The following SNX27 variants were observed in gnomAD, a reference collection of about 807,000 sequenced individuals.
SNX27 encodes sorting nexin-27.
Under a neutral mutation model 71.6 loss-of-function variants are expected in SNX27, and 22 were observed. That is an observed-to-expected ratio of 0.31 (90% CI 0.22 to 0.44). The LOEUF is 0.44. Ranked by LOEUF, SNX27 falls within the 20% of genes least tolerant of loss-of-function variation. The probability of loss-of-function intolerance (pLI) is 1.00; values close to 1 mark genes in which losing one functional copy is unlikely to be tolerated. For missense variants in SNX27, 531 were observed against 698.6 expected (o/e 0.76, Z 2.70); for synonymous variants, 269 against 277.2 (o/e 0.97, Z 0.29).
intron 11 of SNX27, 85 bp downstream of exon 11, chr1:151,693,568 C>T (rs768561034): frequency 6.2e-7 from 1 of 1,612,692 alleles, no homozygotes; most frequent in Non-Finnish European, 8.5e-7. Context: ...ACCTGGGACC[C>T]TCACCTCCAT....
At chr1:151,653,133 G>T (rs1180726278) in intron 2 of SNX27, among the ~76,000 whole-genome samples, 1 of 151,948 alleles carries the variant, frequency 6.6e-6, no homozygotes, top group Non-Finnish European at 1.5e-5. Flanking sequence ...CTCCATGTTG[G>T]TCAGGCTGGT....
chr1:151,640,992 A>G (rs1376213487), intron 2 of SNX27, among the ~76,000 whole-genome samples: 1 of 152,034 alleles, frequency 6.6e-6, no homozygotes, highest in Non-Finnish European at 1.5e-5. Context: ...TTCAGTTAGT[A>G]TAGTGCTTAA....
chr1:151,665,279 A>T (rs1466181015), intron 5 of SNX27, among the ~76,000 whole-genome samples: 1 of 152,190 alleles, frequency 6.6e-6, no homozygotes, highest in African/African-American at 2.4e-5. Flanking sequence ...CTGAGTTCCT[A>T]GAGAGAATGA....
rs372919946 is a variant in SNX27 at position 151,653,625 on chromosome 1, C to T, written c.544-4610C>T. 5.9e-5 allele frequency among the ~76,000 whole-genome samples: 9 copies of T among 152,064 alleles called. No homozygotes were observed. In the East Asian group the frequency reaches 7.7e-4, roughly 13 times the overall value. ...CCTTGACTTCCTGGCTTAAGCATTC[C>T]TCCTGCTTCAGCCTACCAAGTAGCT... On this transcript the variant is annotated intron_variant, in intron 2 of 11. Transcript: ENST00000458013.
intron 11 of SNX27, 44 bp from the exon 12 acceptor site, chr1:151,694,326 A>T: frequency 1.3e-6 from 2 of 1,548,384 alleles, no homozygotes; most frequent in Non-Finnish European, 1.7e-6. Flanking sequence ...TCCAGATAAG[A>T]GGAGATGTGC....
At chr1:151,642,518 G>A (rs1051622655) in intron 2 of SNX27, among the ~76,000 whole-genome samples, 7 of 152,092 alleles carry the variant, frequency 4.6e-5, no homozygotes, top group Non-Finnish European at 1.5e-5. Context: ...TAAATTTATG[G>A]ATAATGCTTT....
At chr1:151,660,246 T>G (rs1188693621) in intron 3 of SNX27, 2 of 151,904 alleles carry the variant, frequency 1.3e-5, no homozygotes. Context: ...CCCAGTTTTT[T>G]TTTTTTTTTT....
intron 2 of SNX27, among the ~76,000 whole-genome samples, chr1:151,651,406 G>A (rs1251047029): frequency 1.1e-4 from 17 of 151,744 alleles, no homozygotes; most frequent in African/African-American, 4.1e-4. Context: ...CCTCCCGGAC[G>A]GGGTGGCTGC....
intron 11 of SNX27, chr1:151,694,092 C>T (rs1671589862): frequency 1.6e-6 from 2 of 1,249,362 alleles, no homozygotes; most frequent in Non-Finnish European, 2.0e-6. Context: ...TGGGTTTTCT[C>T]CTGGCTTTTT....
At position 151,687,971 on chromosome 1, in the gene SNX27, CA is replaced by C. The variant is rs11437223; in HGVS notation, c.1240-4453del. Among the ~76,000 whole-genome samples the C allele has an allele frequency of 2.2e-3, 314 of 142,156 alleles. 2 individuals are homozygous for C. The highest frequency in any genetic ancestry group is 7.5e-3 in the African/African-American group (289 of 38,776). The allele number at this position is 142,156 out of a possible 152,430, so 93.3% of individuals were successfully genotyped here. A position where few individuals can be genotyped will look rare whatever the true frequency, so the allele number is the denominator to read the frequency against. ...AAAAAAAAAAAAAAACAACGAAAAA[CA>C]AAAAAAAAAACTGCCCTATGTCTGT... On this transcript the variant is annotated intron_variant, in intron 8 of 11. Transcript: ENST00000458013.
chr1:151,636,712 G>A (rs1039273309), intron 1 of SNX27, among the ~76,000 whole-genome samples: 5 of 148,100 alleles, frequency 3.4e-5, no homozygotes, highest in Admixed American at 6.7e-5. Context: ...AGTTAGCTAA[G>A]GTTCCTAGGG....
chr1:151,673,342 T>C (rs989272800), intron 7 of SNX27, among the ~76,000 whole-genome samples: 1 of 152,160 alleles, frequency 6.6e-6, no homozygotes, highest in African/African-American at 2.4e-5. Flanking sequence ...TATTATAATA[T>C]CACTATGGTC....
At chr1:151,677,039 TATATA>T (rs1258955320) in intron 7 of SNX27, 5 of 152,156 alleles carry the variant, frequency 3.3e-5, no homozygotes, top group Non-Finnish European at 5.9e-5. Flanking sequence ...TTATTGTTTC[TATATA>T]ATATATTTTA....
At chr1:151,616,914 C>T (rs1204401289) in intron 1 of SNX27, among the ~76,000 whole-genome samples, 1 of 152,058 alleles carries the variant, frequency 6.6e-6, no homozygotes, top group Non-Finnish European at 1.5e-5. Flanking sequence ...TTTTTTACTC[C>T]TTTGCCAGGT....
chr1:151,648,031 A>T (rs532583776), intron 2 of SNX27, among the ~76,000 whole-genome samples: 1 of 151,324 alleles, frequency 6.6e-6, no homozygotes, highest in Non-Finnish European at 1.5e-5. Context: ...CCTTTTAAAG[A>T]GTCGGGGTTT....
rs889498385 is a variant in SNX27, at chr1:151,696,802, A to G, written c.*2385A>G. ...GTAGCTGGGATTACAGGCATACACC[A>G]CCACGCCCCACTAATTTTTTGTATT... On this transcript the variant is annotated 3_prime_UTR_variant, in exon 12 of 12. Coordinates refer to ENST00000458013, the MANE Select transcript of SNX27 (RefSeq NM_001330723.2). The G allele has an allele frequency of 6.6e-6, 1 of 151,438 alleles. No individual in the cohort carries two copies. The highest frequency in any genetic ancestry group is 1.5e-5 in the Non-Finnish European group (1 of 67,892). 9.4% of individuals were successfully genotyped at this position (151,438 alleles called of 1,614,324 possible). A position where few individuals can be genotyped will look rare whatever the true frequency, so the allele number is the denominator to read the frequency against.
chr1:151,634,632 CGT>C (rs1453377226), intron 1 of SNX27, among the ~76,000 whole-genome samples: 2 of 152,066 alleles, frequency 1.3e-5, no homozygotes, highest in African/African-American at 2.4e-5. Context: ...AAAATTATCG[CGT>C]GTGTCTTTAC....
At position 151,694,596 on chromosome 1, in the gene SNX27, G is replaced by A; in HGVS notation, c.*179G>A. ...TGAATTTCATGTCTCTGGAATTGAG[G>A]TGGTAGTGAACAGCAGATCGGTCAG... On this transcript the variant is annotated 3_prime_UTR_variant, in exon 12 of 12. Coordinates refer to ENST00000458013, the MANE Select transcript of SNX27 (RefSeq NM_001330723.2). 1.6e-6 allele frequency: 1 copy of A among 615,478 alleles called. No homozygotes were observed. The highest frequency in any genetic ancestry group is 2.6e-6 in the Non-Finnish European group (1 of 382,698). The allele number at this position is 615,478 out of a possible 1,614,324, so 38.1% of individuals were successfully genotyped here. A position where few individuals can be genotyped will look rare whatever the true frequency, so the allele number is the denominator to read the frequency against.
Position 151,658,283 on chromosome 1 carries a change from C to T in SNX27, c.592C>T (p.Arg198Trp). The T allele has an allele frequency of 1.9e-6, 3 of 1,613,998 alleles. No individual in the cohort carries two copies. The highest frequency in any genetic ancestry group is 2.5e-6 in the Non-Finnish European group (3 of 1,179,976). Reference protein sequence around the residue: ...AGRQLCSKRYREFAILHQNLK... With the variant: ...AGRQLCSKRYWEFAILHQNLK... ...GAGGCAGCTGTGTTCTAAGCGGTAC[C>T]GGGAGTTTGCTATCCTACACCAGAA... Residue 198 changes from arginine to tryptophan, a missense_variant, in exon 3 of 12, where the codon CGG becomes TGG. Transcript: ENST00000458013.
Sources: allele counts gnomAD v4.1 joint callset (sites outside exome capture counted in the v4.1 genomes callset), GRCh38; gene constraint gnomAD v4.1.1; transcripts MANE v1.5; gene names NCBI Gene and HGNC (gene_info 2026-07-23, HGNC 2026-07-21).